Variants in ARID1A observed in about 807,000 individuals in gnomAD.
ARID1A encodes AT-rich interaction domain 1A.
In ARID1A, 20 loss-of-function variants were observed where a neutral mutation model predicts 212.6. The observed-to-expected ratio is 0.09, with a 90% confidence interval of 0.07 to 0.14. The LOEUF is 0.14. ARID1A is among the 10% of genes least tolerant of loss of function. The probability of loss-of-function intolerance (pLI) is 1.00; values close to 1 mark genes in which losing one functional copy is unlikely to be tolerated. For synonymous variants in ARID1A, 1,376 were observed against 1,222.1 expected, an observed-to-expected ratio of 1.13 and a Z score of -2.63; for missense variants, 2,587 against 3,059.0, an observed-to-expected ratio of 0.85 and a Z score of 3.64.
At chr1:26,715,303 C>A (rs2080492240) in intron 1 of ARID1A, among the ~76,000 whole-genome samples, 1 of 152,100 alleles carries the variant, frequency 6.6e-6, no homozygotes, top group Non-Finnish European at 1.5e-5. Context: ...AATGTGCACA[C>A]CTGGGTAAAG....
chr1:26,762,081 A>G (rs2124062007), intron 6 of ARID1A, 71 bp from the exon 7 acceptor site: 1 of 1,451,810 alleles, frequency 6.9e-7, no homozygotes, highest in Non-Finnish European at 9.3e-7. Context: ...GTAAAGTCCC[A>G]GGATAAGGAT....
At chr1:26,712,439 C>T (rs2080463506) in intron 1 of ARID1A, among the ~76,000 whole-genome samples, 1 of 152,112 alleles carries the variant, frequency 6.6e-6, no homozygotes, top group Non-Finnish European at 1.5e-5. Flanking sequence ...AATCCCCGTG[C>T]TTTATGAGGC....
At chr1:26,709,936 A>G (rs2080434160) in intron 1 of ARID1A, among the ~76,000 whole-genome samples, 2 of 151,346 alleles carry the variant, frequency 1.3e-5, no homozygotes, top group Non-Finnish European at 2.9e-5. Context: ...GGCTCAAGCA[A>G]TTCTCCTGCC....
At chr1:26,725,715 C>T (rs2124779945) in intron 1 of ARID1A, among the ~76,000 whole-genome samples, 1 of 152,256 alleles carries the variant, frequency 6.6e-6, no homozygotes, top group South Asian at 2.1e-4. Flanking sequence ...TTATAGCCCC[C>T]ATGTAAGTAG....
intron 1 of ARID1A, among the ~76,000 whole-genome samples, chr1:26,705,245 C>G (rs972097706): frequency 2.6e-4 from 39 of 151,954 alleles, no homozygotes; most frequent in African/African-American, 8.2e-4. Context: ...TCAAGCGATT[C>G]TCATGCCTCA....
At position 26,779,847 on chromosome 1, in the gene ARID1A, T is replaced by G. The variant is rs2124144393; in HGVS notation, c.5949T>G (p.Cys1983Trp). Residue 1983 changes from cysteine to tryptophan, a missense_variant, in exon 20 of 20, where the codon TGT becomes TGG. Coordinates refer to ENST00000324856, the MANE Select transcript of ARID1A (RefSeq NM_006015.6). The part of the protein sequence containing the change: ...WQDSLAKRCV[C>W]VSNTIRSLSF... ...ATTCTCTTGCCAAGCGCTGCGTCTG[T>G]GTGTCCAATACCATTCGAAGCCTGT... The G allele has an allele frequency of 6.2e-7, 1 of 1,614,168 alleles. No individual in the cohort carries two copies. The highest frequency in any genetic ancestry group is 8.5e-7 in the Non-Finnish European group (1 of 1,180,040).
At chr1:26,769,030 G>A (rs1397954632) in intron 11 of ARID1A, 1 of 152,168 alleles carries the variant, frequency 6.6e-6, no homozygotes, top group Non-Finnish European at 1.5e-5. Flanking sequence ...CCCCACAAAG[G>A]AAAACAAAAC....
At chr1:26,716,591 A>AC (rs2080505496) in intron 1 of ARID1A, among the ~76,000 whole-genome samples, 1 of 152,062 alleles carries the variant, frequency 6.6e-6, no homozygotes, top group Non-Finnish European at 1.5e-5. Context: ...ATGCTGGGCT[A>AC]GAGTTCATTG....
chr1:26,748,337 T>C (rs1173403765), intron 4 of ARID1A, among the ~76,000 whole-genome samples: 1 of 152,168 alleles, frequency 6.6e-6, no homozygotes, highest in Non-Finnish European at 1.5e-5. Context: ...CTCTGCTTGC[T>C]TTCTGTGTTC....
chr1:26,746,298 A>T (rs373645581), intron 4 of ARID1A, among the ~76,000 whole-genome samples: 1 of 152,212 alleles, frequency 6.6e-6, no homozygotes, highest in African/African-American at 2.4e-5. Flanking sequence ...ATCATGGATG[A>T]ACTCAGTTGT....
Position 26,697,069 on chromosome 1 carries a change from C to T in ARID1A, c.666C>T (p.Tyr222=), listed in dbSNP as rs757919500. Residue 222 remains tyrosine, a synonymous_variant, in exon 1 of 20, where the codon TAC becomes TAT. Transcript: ENST00000324856. ...YNSYYPNRSA[Y]PPPAPAYALS... is the part of the protein sequence containing the mutation. ...CCTACTACCCCAACCGCAGCGCCTA[C>T]CCCCCGCCCGCCCCGGCCTACGCGC... The T allele has an allele frequency of 8.6e-6, 13 of 1,505,990 alleles. No individual in the cohort carries two copies. The highest frequency in any genetic ancestry group is 1.1e-5 in the Non-Finnish European group (13 of 1,131,818). The allele number at this position is 1,505,990 out of a possible 1,614,324, so 93.3% of individuals were successfully genotyped here.
rs2080655786 is a variant in ARID1A at position 26,729,799 on chromosome 1, G to A, written c.1286G>A (p.Arg429Gln). Residue 429 changes from arginine (R) to glutamine (Q), a missense_variant, in exon 2 of 20, where the codon CGG becomes CAG. By Grantham distance (43) the Arg-to-Gln change is conservative. This residue lies in a region of ARID1A where 674 missense variants were observed against 813.4 expected (regional missense o/e 0.83). Transcript: ENST00000324856. ...CCATACGGGTCCCAGACCCCGCAGC[G>A]GTACCCGATGACCATGCAGGGCCGG... ...GQPYGSQTPQ[R>Q]YPMTMQGRAQ... 1 of 1,614,218 alleles carries A rather than the reference G, an allele frequency of 6.2e-7. No homozygotes were observed. The highest frequency in any genetic ancestry group is 8.5e-7 in the Non-Finnish European group (1 of 1,180,042).
Position 26,760,841 on chromosome 1 carries a change from A to G in ARID1A, c.1921-15A>G, listed in dbSNP as rs776467031. The stretch of plus-strand genomic sequence containing the variant: ...CCTAATATTACTAATCCATGTTCTT[A>G]TATATATGTTCTAGGATCTATCTGG... On this transcript the variant is annotated splice_polypyrimidine_tract_variant and intron_variant, in intron 4 of 19. Coordinates refer to ENST00000324856, the MANE Select transcript of ARID1A (RefSeq NM_006015.6). 2 of 1,601,764 alleles carry G rather than the reference A, an allele frequency of 1.2e-6. No individual in the cohort carries two copies. Among genetic ancestry groups the G allele is most frequent in the Admixed American group, 1.7e-5 (1 of 59,798 alleles).
intron 2 of ARID1A, among the ~76,000 whole-genome samples, chr1:26,730,916 T>C (rs1270822353): frequency 1.3e-5 from 2 of 152,174 alleles, no homozygotes; most frequent in Non-Finnish European, 2.9e-5. Flanking sequence ...GTAAATAGTG[T>C]AAATTTTCAG....
chr1:26,706,940 C>T (rs2080397894), intron 1 of ARID1A, among the ~76,000 whole-genome samples: 1 of 152,160 alleles, frequency 6.6e-6, no homozygotes, highest in African/African-American at 2.4e-5. Flanking sequence ...GGAATTTAGG[C>T]TTCTAAAGAG....
At chr1:26,747,219 C>T (rs886217871) in intron 4 of ARID1A, among the ~76,000 whole-genome samples, 9 of 152,174 alleles carry the variant, frequency 5.9e-5, no homozygotes, top group African/African-American at 1.9e-4. Context: ...TCCCCCTACT[C>T]GATGGCCTGA....
At chr1:26,728,588 TC>T (rs2080641603) in intron 1 of ARID1A, among the ~76,000 whole-genome samples, 1 of 152,188 alleles carries the variant, frequency 6.6e-6, no homozygotes, top group Admixed American at 6.5e-5. Context: ...CATGCTAAAA[TC>T]AATGAACCAC....
At position 26,697,142 on chromosome 1, in the gene ARID1A, G is replaced by T; in HGVS notation, c.739G>T (p.Ala247Ser). 6.9e-7 allele frequency: 1 copy of T among 1,440,228 alleles called. No individual in the cohort carries two copies. The highest frequency in any genetic ancestry group is 1.5e-5 in the South Asian group (1 of 67,942). The allele number at this position is 1,440,228 out of a possible 1,614,324, so 89.2% of individuals were successfully genotyped here. A position where few individuals can be genotyped will look rare whatever the true frequency, so the allele number is the denominator to read the frequency against. The change falls in exon 1 of 20, where the codon GCC (alanine) becomes TCC (serine). Residue 247 changes from alanine to serine, a missense_variant. By Grantham distance (99) the Ala-to-Ser change is moderately conservative. Transcript: ENST00000324856. ...TCCGGGCTCCGGCGCGGCGGCGGCT[G>T]CCGGCTCCAAGCCGCCTCCCTCCTC... is the stretch of plus-strand genomic sequence containing the variant. ...GTPGSGAAAA[A>S]GSKPPPSSSA...
At chr1:26,730,179 C>G (rs2080659937) in intron 2 of ARID1A, among the ~76,000 whole-genome samples, 1 of 152,202 alleles carries the variant, frequency 6.6e-6, no homozygotes, top group South Asian at 2.1e-4. Flanking sequence ...CATGTAGGCA[C>G]TGCTACTATT....
Sources: gnomAD v4.1 joint callset for allele counts (sites outside exome capture counted in the v4.1 genomes callset) on GRCh38, gnomAD v4.1.1 for gene constraint, gnomAD v4.1.1 regional missense constraint, MANE v1.5 for transcripts, NCBI Gene and HGNC (gene_info 2026-07-23, HGNC 2026-07-21) for gene names.